GRID2: variants seen among roughly 807,000 people sequenced by gnomAD.
GRID2 encodes the protein glutamate receptor ionotropic, delta-2.
In GRID2, 33 loss-of-function variants were observed where a neutral mutation model predicts 114.8. The observed-to-expected ratio is 0.29, with a 90% CI of 0.22 to 0.38. The LOEUF (loss-of-function observed/expected upper bound fraction) is 0.38, where lower values mean the gene tolerates loss of function less well. GRID2 is among the 10% of genes least tolerant of loss of function. The probability of loss-of-function intolerance (pLI) is 1.00; values close to 1 mark genes in which losing one functional copy is unlikely to be tolerated. For synonymous variants in GRID2, 505 were observed against 449.9 expected, an observed-to-expected ratio of 1.12 and a Z score of -1.55; for missense variants, 1,184 against 1,257.7, an observed-to-expected ratio of 0.94 and a Z score of 0.89.
chr4:92,719,896 C>T (rs1011238420), intron 2 of GRID2, among the ~76,000 whole-genome samples: 59 of 152,104 alleles, frequency 3.9e-4, no homozygotes, highest in African/African-American at 1.3e-3. Flanking sequence ...GTCAAGGATA[C>T]TAGCAATAGA....
intron 1 of GRID2, among the ~76,000 whole-genome samples, chr4:92,563,798 C>T (rs1159976943): frequency 6.6e-6 from 1 of 152,044 alleles, no homozygotes; most frequent in Non-Finnish European, 1.5e-5. Flanking sequence ...CTAGTTCCAA[C>T]CTACTCAGTT....
At chr4:93,591,750 T>C (rs1254245505) in intron 13 of GRID2, among the ~76,000 whole-genome samples, 2 of 152,216 alleles carry the variant, frequency 1.3e-5, no homozygotes, top group Non-Finnish European at 2.9e-5. Context: ...TATTGGTGTA[T>C]TCAGAGATTC....
chr4:92,467,501 A>G (rs571261212), intron 1 of GRID2, among the ~76,000 whole-genome samples: 2 of 152,120 alleles, frequency 1.3e-5, no homozygotes, highest in South Asian at 4.1e-4. Context: ...GAGACTTTAT[A>G]TTATTTAAAT....
At chr4:93,678,275 T>C (rs1198490756) in intron 14 of GRID2, among the ~76,000 whole-genome samples, 1 of 152,064 alleles carries the variant, frequency 6.6e-6, no homozygotes, top group Non-Finnish European at 1.5e-5. Context: ...TATGGGAGTA[T>C]GTGAAAAGAC....
At position 92,951,193 on chromosome 4, in the gene GRID2, A is replaced by G. The variant is rs559547552; in HGVS notation, c.245-133802A>G. ...ACTGTTTATTATTTCCATGGTTGTC[A>G]TCACTACAACAGAATCATCCATTTT... On this transcript the variant is annotated intron_variant, in intron 2 of 15. Transcript: ENST00000282020. 2.6e-5 allele frequency among the ~76,000 whole-genome samples: 4 copies of G among 152,220 alleles called. No individual in the cohort carries two copies. In the South Asian group the frequency reaches 8.3e-4, roughly 32 times the overall value.
intron 8 of GRID2, among the ~76,000 whole-genome samples, chr4:93,310,662 A>C (rs1022653072): frequency 1.3e-5 from 2 of 152,226 alleles, no homozygotes; most frequent in African/African-American, 2.4e-5. Flanking sequence ...ACAACCTGTT[A>C]ATAAAGCAAT....
chr4:93,260,558 A>C (rs930451105), intron 8 of GRID2, among the ~76,000 whole-genome samples: 1 of 151,740 alleles, frequency 6.6e-6, no homozygotes, highest in Non-Finnish European at 1.5e-5. Flanking sequence ...ATCAACTGTT[A>C]TTTATACTCA....
intron 4 of GRID2, among the ~76,000 whole-genome samples, chr4:93,188,471 G>A (rs1002971889): frequency 1.3e-5 from 2 of 152,180 alleles, no homozygotes; most frequent in Non-Finnish European, 2.9e-5. Context: ...CTAAGCTTAT[G>A]ATGGGAGTGG....
At chr4:93,089,468 A>G (rs1216430891) in intron 3 of GRID2, among the ~76,000 whole-genome samples, 4 of 152,124 alleles carry the variant, frequency 2.6e-5, no homozygotes, top group Non-Finnish European at 4.4e-5. Flanking sequence ...AACCTCAAAT[A>G]AATCATTTTT....
At chr4:92,716,267 C>T (rs1244786105) in intron 2 of GRID2, among the ~76,000 whole-genome samples, 1 of 152,158 alleles carries the variant, frequency 6.6e-6, no homozygotes, top group East Asian at 1.9e-4. Flanking sequence ...TGCCCTTTGA[C>T]TTTCTGCAAA....
intron 1 of GRID2, among the ~76,000 whole-genome samples, chr4:92,418,608 T>G (rs879279078): frequency 1.3e-5 from 2 of 151,824 alleles, no homozygotes; most frequent in South Asian, 4.2e-4. Flanking sequence ...TAGAGATGAA[T>G]TGCTAACAAA....
chr4:93,078,795 ATTATAT>A (rs1236593281), intron 2 of GRID2, among the ~76,000 whole-genome samples: 1 of 146,896 alleles, frequency 6.8e-6, no homozygotes, highest in Non-Finnish European at 1.5e-5. Flanking sequence ...ACTAAATATA[ATTATAT>A]TTATGTACTA....
intron 14 of GRID2, among the ~76,000 whole-genome samples, chr4:93,651,240 G>C (rs1003760795): frequency 1.3e-5 from 2 of 152,114 alleles, no homozygotes; most frequent in Non-Finnish European, 2.9e-5. Flanking sequence ...TGTTTCCTAG[G>C]GGTTAGACTG....
In GRID2 at chr4:93,128,579, T is replaced by C. The variant is rs573358254; in HGVS notation, c.735+17626T>C. On this transcript the variant is annotated intron_variant, in intron 4 of 15. Coordinates refer to ENST00000282020, the MANE Select transcript of GRID2 (RefSeq NM_001510.4). Reference sequence around the variant, plus strand: ...ATCCAATTTGTCAATCAATCTCCCATTGGACTTGTAGAGAAAACAGATGGC... The same window carrying C: ...ATCCAATTTGTCAATCAATCTCCCACTGGACTTGTAGAGAAAACAGATGGC... Among the ~76,000 whole-genome samples the C allele has an allele frequency of 5.3e-4, 81 of 152,256 alleles. 1 individual carries two copies. The highest frequency in any genetic ancestry group is 1.8e-3 in the African/African-American group (76 of 41,554).
At chr4:93,414,392 T>C (rs1767499936) in intron 9 of GRID2, among the ~76,000 whole-genome samples, 1 of 152,114 alleles carries the variant, frequency 6.6e-6, no homozygotes, top group Non-Finnish European at 1.5e-5. Flanking sequence ...GACATCATCA[T>C]AGTGGCCTAA....
At chr4:92,876,284 T>TTTA (rs1745624942) in intron 2 of GRID2, among the ~76,000 whole-genome samples, 1 of 108,762 alleles carries the variant, frequency 9.2e-6, no homozygotes, top group Non-Finnish European at 2.0e-5. Context: ...TTTTTATTAT[T>TTTA]TTATTTATTT....
intron 2 of GRID2, among the ~76,000 whole-genome samples, chr4:92,699,239 G>C (rs2149299792): frequency 6.6e-6 from 1 of 152,274 alleles, no homozygotes. Flanking sequence ...TGCTGGATCA[G>C]ACTGGCCAGT....
At chr4:93,592,769 A>G (rs1738533559) in intron 13 of GRID2, among the ~76,000 whole-genome samples, 1 of 152,186 alleles carries the variant, frequency 6.6e-6, no homozygotes, top group Non-Finnish European at 1.5e-5. Context: ...TATTTAGGAC[A>G]GTTAGCTCTT....
At chr4:92,764,092 T>C (rs926765904) in intron 2 of GRID2, among the ~76,000 whole-genome samples, 2 of 152,196 alleles carry the variant, frequency 1.3e-5, no homozygotes, top group Non-Finnish European at 2.9e-5. Flanking sequence ...CTAAGATGGT[T>C]GTCTGTGCTC....
Sources: gnomAD v4.1 joint callset for allele counts (sites outside exome capture counted in the v4.1 genomes callset) on GRCh38, gnomAD v4.1.1 for gene constraint, MANE v1.5 for transcripts, NCBI Gene and HGNC (gene_info 2026-07-23, HGNC 2026-07-21) for gene names.